GFM1: variants seen among roughly 807,000 people sequenced by gnomAD.
GFM1 encodes elongation factor G, mitochondrial.
Under a neutral mutation model 96.2 loss-of-function variants are expected in GFM1, and 62 were observed. The observed-to-expected ratio is 0.64, with a 90% CI of 0.53 to 0.80. The LOEUF is 0.80. Ranked by LOEUF, GFM1 falls within the 30% of genes least tolerant of loss-of-function variation. The pLI, the probability that GFM1 is intolerant of heterozygous loss-of-function variation, is 0.00. For synonymous variants in GFM1, 282 were observed against 312.9 expected, an observed-to-expected ratio of 0.90 and a Z score of 1.04; for missense variants, 852 against 916.6, an observed-to-expected ratio of 0.93 and a Z score of 0.91.
chr3:158,682,761 A>T (rs1725512913), intron 14 of GFM1, among the ~76,000 whole-genome samples: 1 of 152,174 alleles, frequency 6.6e-6, no homozygotes, highest in African/African-American at 2.4e-5. Flanking sequence ...ATGATGGTTC[A>T]TGCCTGTAAT....
chr3:158,660,618 C>T (rs771233676), intron 9 of GFM1: 4 of 473,602 alleles, frequency 8.4e-6, no homozygotes, highest in Non-Finnish European at 1.5e-5. Flanking sequence ...TACTGCAGCT[C>T]CTTCAAGTAA....
At chr3:158,664,164 T>C (rs1723420593) in intron 11 of GFM1, among the ~76,000 whole-genome samples, 1 of 152,230 alleles carries the variant, frequency 6.6e-6, no homozygotes. Context: ...GCTCCAGGTA[T>C]GTGGTAAATG....
intron 13 of GFM1, chr3:158,672,683 T>G: frequency 3.9e-6 from 2 of 509,328 alleles, no homozygotes; most frequent in Non-Finnish European, 6.9e-6. Context: ...AGCCCTGGGC[T>G]GACTGCTTCT....
chr3:158,691,550 G>A lies in GFM1; in HGVS notation c.*83G>A. The stretch of plus-strand genomic sequence containing the variant: ...ATGGATTCCAGTGGAATAAATTCAG[G>A]CTGCTGAAACAAGAAATTCTGAGCC... On this transcript the variant is annotated 3_prime_UTR_variant, in exon 18 of 18. Transcript: ENST00000486715. 2.7e-6 allele frequency: 4 copies of A among 1,507,098 alleles called. No individual in the cohort carries two copies. Among genetic ancestry groups the A allele is most frequent in the Non-Finnish European group, 3.7e-6 (4 of 1,088,598 alleles). 93.4% of individuals were successfully genotyped at this position (1,507,098 alleles called of 1,614,324 possible). A position where few individuals can be genotyped will look rare whatever the true frequency, so the allele number is the denominator to read the frequency against.
chr3:158,659,476 C>T (rs188237259), intron 9 of GFM1, among the ~76,000 whole-genome samples: 3 of 152,238 alleles, frequency 2.0e-5, no homozygotes, highest in Non-Finnish European at 4.4e-5. Flanking sequence ...TTCTGAAATA[C>T]GGCAGGCACA....
chr3:158,655,957 T>C lies in GFM1; in HGVS notation c.1083+1326T>C, dbSNP rs141202018. On this transcript the variant is annotated intron_variant, in intron 8 of 17. Transcript: ENST00000486715. ...TTCCTTGTTTCTCACGAGATTGATATTTTTGAGAAGTATTGGTCAGCTCTT... is the reference window on the plus strand; with the variant it reads ...TTCCTTGTTTCTCACGAGATTGATACTTTTGAGAAGTATTGGTCAGCTCTT... The C allele has an allele frequency of 7.5e-3, 3,417 of 456,334 alleles. 25 individuals are homozygous for C. The highest frequency in any genetic ancestry group is 0.012 in the Non-Finnish European group (2,730 of 226,876). The allele number at this position is 456,334 out of a possible 1,614,324, so 28.3% of individuals were successfully genotyped here.
At chr3:158,690,980 TA>T (rs926870463) in intron 16 of GFM1, among the ~76,000 whole-genome samples, 158 bp from the exon 17 acceptor site, 2 of 152,268 alleles carry the variant, frequency 1.3e-5, no homozygotes, top group African/African-American at 4.8e-5. Flanking sequence ...CCACTTGGAA[TA>T]AAACAGAAAT....
intron 13 of GFM1, among the ~76,000 whole-genome samples, chr3:158,668,678 A>G (rs1723962365): frequency 6.6e-6 from 1 of 152,228 alleles, no homozygotes. Flanking sequence ...TGCTTTTGTT[A>G]TGCTTCCTAG....
At chr3:158,674,859 T>C (rs1359408985) in intron 13 of GFM1, among the ~76,000 whole-genome samples, 2 of 152,248 alleles carry the variant, frequency 1.3e-5, no homozygotes, top group Non-Finnish European at 1.5e-5. Context: ...TCTGTCATTA[T>C]ATGTGCAGTC....
chr3:158,659,849 G>A (rs975187164), intron 9 of GFM1, among the ~76,000 whole-genome samples: 1 of 152,172 alleles, frequency 6.6e-6, no homozygotes, highest in Non-Finnish European at 1.5e-5. Flanking sequence ...ACCCGACAGC[G>A]TTGCTGTTTT....
chr3:158,652,087 C>T lies in GFM1; in HGVS notation c.690-9C>T, dbSNP rs1293039577. On this transcript the variant is annotated splice_polypyrimidine_tract_variant and intron_variant, in intron 5 of 17. Transcript: ENST00000486715. ...TATCCTTAAAGCACCAAAATATTTG[C>T]TTTCTTAGTCAGATTGTTCGATATG... is the stretch of plus-strand genomic sequence containing the variant. 1 of 1,613,386 alleles carries T rather than the reference C, an allele frequency of 6.2e-7. No homozygotes were observed. The highest frequency in any genetic ancestry group is 1.7e-5 in the Admixed American group (1 of 59,994).
rs992381866 is a variant in GFM1, at chr3:158,695,096, G to A, written c.*3629G>A. ...GTGCTAGAAAAGATATTCTGAGGCC[G>A]GATGTGGTGGCTCACGCCTGTAATT... is the stretch of plus-strand genomic sequence containing the variant. On this transcript the variant is annotated 3_prime_UTR_variant, in exon 18 of 18. Coordinates refer to ENST00000486715, the MANE Select transcript of GFM1 (RefSeq NM_024996.7). 7.9e-5 allele frequency among the ~76,000 whole-genome samples: 12 copies of A among 152,236 alleles called. No individual in the cohort carries two copies. The highest frequency in any genetic ancestry group is 3.9e-4 in the East Asian group (2 of 5,190).
Position 158,658,920 on chromosome 3 carries a change from A to G in GFM1, c.1084-2A>G. On this transcript the variant is annotated splice_acceptor_variant, in intron 8 of 17. Coordinates refer to ENST00000486715, the MANE Select transcript of GFM1 (RefSeq NM_024996.7). LOFTEE classifies it high-confidence loss of function. ...CTGCCCTTACCCAATCTTGACTTCT[A>G]GGTAGGTCGATTTGGACAATTAACT... is the stretch of plus-strand genomic sequence containing the variant. 1 of 1,614,062 alleles carries G rather than the reference A, an allele frequency of 6.2e-7. No homozygotes were observed. Among genetic ancestry groups the G allele is most frequent in the Non-Finnish European group, 8.5e-7 (1 of 1,179,946 alleles).
At position 158,647,553 on chromosome 3, in the gene GFM1, C is replaced by T. The variant is rs569366065; in HGVS notation, c.572+606C>T. Reference sequence around the variant, plus strand: ...TGCACGTGTAGCTGTAGAGCTCATACTTACGTTTCACATGGCATAGTTGAT... The same window carrying T: ...TGCACGTGTAGCTGTAGAGCTCATATTTACGTTTCACATGGCATAGTTGAT... On this transcript the variant is annotated intron_variant, in intron 4 of 17. Coordinates refer to ENST00000486715, the MANE Select transcript of GFM1 (RefSeq NM_024996.7). Among the ~76,000 whole-genome samples the T allele has an allele frequency of 4.4e-4, 67 of 152,282 alleles. No homozygotes were observed. In the South Asian group the frequency reaches 0.014, roughly 31 times the overall value.
chr3:158,668,428 G>A (rs1350422685), intron 13 of GFM1, among the ~76,000 whole-genome samples: 2 of 152,074 alleles, frequency 1.3e-5, no homozygotes, highest in East Asian at 3.9e-4. Context: ...ATCCATAGAT[G>A]CAGAACCCAT....
At chr3:158,666,084 ATAAAT>A (rs957886340) in intron 12 of GFM1, among the ~76,000 whole-genome samples, 1 of 152,214 alleles carries the variant, frequency 6.6e-6, no homozygotes, top group Non-Finnish European at 1.5e-5. Context: ...GGAGGTAAAT[ATAAAT>A]TAATCAATGT....
At chr3:158,655,723 T>A in intron 8 of GFM1, 1 of 359,072 alleles carries the variant, frequency 2.8e-6, no homozygotes, top group East Asian at 7.4e-5. Flanking sequence ...CCTCTATTGT[T>A]AATACACACT....
rs766859254 is a variant in GFM1, at chr3:158,665,468, T to C, written c.1512T>C (p.Tyr504=). The stretch of plus-strand genomic sequence containing the variant: ...TGGGAGAATTACACCTGGAAATCTA[T>C]GCTCAGGTAATGAATAATAAGGAAG... The part of the protein sequence containing the change: ...SGMGELHLEI[Y]AQRLEREYGC... The change falls in exon 12 of 18, where the codon TAT becomes TAC. Residue 504 remains tyrosine (Y), a synonymous_variant. Coordinates refer to ENST00000486715, the MANE Select transcript of GFM1 (RefSeq NM_024996.7). 6.2e-7 allele frequency: 1 copy of C among 1,609,726 alleles called. No homozygotes were observed. The highest frequency in any genetic ancestry group is 8.5e-7 in the Non-Finnish European group (1 of 1,176,526).
chr3:158,677,660 A>G (rs1339468129), intron 13 of GFM1, among the ~76,000 whole-genome samples: 2 of 152,310 alleles, frequency 1.3e-5, no homozygotes, highest in East Asian at 3.9e-4. Flanking sequence ...ATCTGCCACC[A>G]TGCCCGACTA....
Sources: allele counts gnomAD v4.1 joint callset (sites outside exome capture counted in the v4.1 genomes callset), GRCh38; gene constraint gnomAD v4.1.1; transcripts MANE v1.5; gene names NCBI Gene and HGNC (gene_info 2026-07-23, HGNC 2026-07-21).